The following LOC400499 variants were observed in gnomAD, a reference collection of about 807,000 sequenced individuals.
At chr16:11,380,633 T>G in the LOC400499 span, among the ~76,000 whole-genome samples, 2 of 152,174 alleles carry the variant, frequency 1.3e-5, no homozygotes, top group African/African-American at 2.4e-5. Context: ...AAAAGTTAAT[T>G]ATAACGGGTG....
the LOC400499 span, chr16:11,472,820 AT>A: frequency 6.6e-6 from 1 of 152,154 alleles, no homozygotes; most frequent in East Asian, 1.9e-4. Flanking sequence ...AGTAACTCTT[AT>A]CCCGATTATA....
chr16:11,494,341 G>A, the LOC400499 span, among the ~76,000 whole-genome samples: 6 of 145,632 alleles, frequency 4.1e-5, no homozygotes, highest in Non-Finnish European at 7.6e-5. Context: ...CCCCCACTCA[G>A]TGGTGTTGGG....
the LOC400499 span, among the ~76,000 whole-genome samples, chr16:11,437,228 C>T: frequency 2.0e-5 from 3 of 152,078 alleles, no homozygotes; most frequent in Non-Finnish European, 4.4e-5. Flanking sequence ...TGAATGATGC[C>T]GTAATGGCAG....
At chr16:11,494,367 G>T in the LOC400499 span, among the ~76,000 whole-genome samples, 1 of 147,728 alleles carries the variant, frequency 6.8e-6, no homozygotes, top group Non-Finnish European at 1.5e-5. Context: ...GTGGTGTGGG[G>T]GGGGCAGTGG....
chr16:11,439,075 T>C, the LOC400499 span, among the ~76,000 whole-genome samples: 2 of 152,122 alleles, frequency 1.3e-5, no homozygotes, highest in East Asian at 1.9e-4. Flanking sequence ...GCCTGCTCAA[T>C]GAAGCCACAA....
At chr16:11,488,812 C>G in the LOC400499 span, 1 of 398,934 alleles carries the variant, frequency 2.5e-6, no homozygotes, top group Non-Finnish European at 4.4e-6. Flanking sequence ...GGGCCCGTTT[C>G]AGGGGGTCGT....
chr16:11,398,444 G>A, the LOC400499 span: 1 of 1,232,312 alleles, frequency 8.1e-7, no homozygotes, highest in Non-Finnish European at 1.0e-6. Context: ...GGGTACAAGA[G>A]GCCCCGAGGA....
chr16:11,397,785 G>GGATGGATGGAT, the LOC400499 span, among the ~76,000 whole-genome samples: 49 of 123,148 alleles, frequency 4.0e-4, no homozygotes, highest in African/African-American at 1.4e-3. Flanking sequence ...GAGGGAGGGA[G>GGATGGATGGAT]GGAGGGAGGG....
chr16:11,509,054 C>T, the LOC400499 span, among the ~76,000 whole-genome samples: 1 of 151,914 alleles, frequency 6.6e-6, no homozygotes, highest in Non-Finnish European at 1.5e-5. Flanking sequence ...ATGTACCCAC[C>T]AGCAGGGGCT....
the LOC400499 span, among the ~76,000 whole-genome samples, chr16:11,452,532 C>T: frequency 2.0e-5 from 3 of 152,212 alleles, no homozygotes; most frequent in African/African-American, 7.2e-5. Flanking sequence ...GAGCCCACAG[C>T]GGCCCCTCAA....
the LOC400499 span, among the ~76,000 whole-genome samples, chr16:11,434,051 A>G: frequency 8.5e-5 from 13 of 152,298 alleles, no homozygotes; most frequent in African/African-American, 2.9e-4. Context: ...TCAGAAGCAG[A>G]GGGAGGACAG....
At chr16:11,437,798 G>C in the LOC400499 span, among the ~76,000 whole-genome samples, 1 of 152,180 alleles carries the variant, frequency 6.6e-6, no homozygotes, top group Admixed American at 6.5e-5. Flanking sequence ...GAACCTGGGA[G>C]GCAGAGGTTG....
chr16:11,468,200 G>C, the LOC400499 span, among the ~76,000 whole-genome samples: 1 of 152,198 alleles, frequency 6.6e-6, no homozygotes, highest in Non-Finnish European at 1.5e-5. Context: ...AAGACACACA[G>C]TTAGCGTACT....
At chr16:11,522,468 T>C in the LOC400499 span, among the ~76,000 whole-genome samples, 2 of 152,244 alleles carry the variant, frequency 1.3e-5, no homozygotes, top group East Asian at 3.9e-4. Context: ...CCCTGACCTT[T>C]ACCCACAAGA....
the LOC400499 span, among the ~76,000 whole-genome samples, chr16:11,405,728 T>G: frequency 6.6e-6 from 1 of 152,154 alleles, no homozygotes; most frequent in East Asian, 1.9e-4. Flanking sequence ...ATTATGGGGC[T>G]TCCTCACTGC....
chr16:11,451,361 C>G, the LOC400499 span, among the ~76,000 whole-genome samples: 1 of 152,200 alleles, frequency 6.6e-6, no homozygotes, highest in Non-Finnish European at 1.5e-5. Context: ...AGGAGGATCA[C>G]TTGAGTCTAG....
chr16:11,387,986 G>A, the LOC400499 span, among the ~76,000 whole-genome samples: 4 of 152,258 alleles, frequency 2.6e-5, no homozygotes, highest in South Asian at 8.3e-4. Context: ...ATCTAGAGTA[G>A]GAGTCAAGCC....
At chr16:11,385,516 G>C in the LOC400499 span, 1 of 810,684 alleles carries the variant, frequency 1.2e-6, no homozygotes, top group Admixed American at 4.3e-5. Context: ...CTAGAGCTTT[G>C]GCTTAGCCTG....
chr16:11,449,389 C>T, the LOC400499 span, among the ~76,000 whole-genome samples: 37 of 152,234 alleles, frequency 2.4e-4, no homozygotes, highest in African/African-American at 7.2e-4. Flanking sequence ...CTTGTTGGGC[C>T]GCTATTACTA....
Sources: gnomAD v4.1 joint callset for allele counts (sites outside exome capture counted in the v4.1 genomes callset) on GRCh38, gnomAD v4.1.1 for gene constraint, MANE v1.5 for transcripts.